Variants in CSMD1 observed in about 807,000 individuals in gnomAD.
The protein encoded by CSMD1 is CUB and Sushi multiple domains 1.
Under a neutral mutation model 417.5 loss-of-function variants are expected in CSMD1, and 213 were observed. The ratio of observed to expected loss-of-function variants is 0.51; its 90% CI spans 0.46 to 0.57. The LOEUF is 0.57. Ranked by LOEUF, CSMD1 falls within the 20% of genes least tolerant of loss-of-function variation. The probability of loss-of-function intolerance (pLI) is 0.00; values close to 1 mark genes in which losing one functional copy is unlikely to be tolerated. For synonymous variants in CSMD1, 2,862 were observed against 1,736.8 expected, an observed-to-expected ratio of 1.65 and a Z score of -16.11; for missense variants, 6,923 against 4,529.7, an observed-to-expected ratio of 1.53 and a Z score of -15.17.
At chr8:3,629,907 T>C (rs2897570) in intron 7 of CSMD1, among the ~76,000 whole-genome samples, 1,612 of 152,314 alleles carry the variant, frequency 0.011, 32 homozygotes, top group African/African-American at 0.037. Context: ...AAAAGTAGAT[T>C]CAAAATTTTC....
intron 1 of CSMD1, among the ~76,000 whole-genome samples, chr8:4,981,640 A>G (rs1487822586): frequency 6.6e-6 from 1 of 152,116 alleles, no homozygotes; most frequent in Non-Finnish European, 1.5e-5. Flanking sequence ...TGACTGTGAG[A>G]TGATCTTTTT....
intron 6 of CSMD1, among the ~76,000 whole-genome samples, chr8:3,734,267 C>T (rs1421113059): frequency 6.6e-6 from 1 of 152,216 alleles, no homozygotes; most frequent in African/African-American, 2.4e-5. Context: ...CATGTTTCAT[C>T]TCCCAGTGTC....
At chr8:4,758,327 T>A (rs1811804538) in intron 1 of CSMD1, among the ~76,000 whole-genome samples, 1 of 152,162 alleles carries the variant, frequency 6.6e-6, no homozygotes, top group Admixed American at 6.5e-5. Context: ...TGGTTCTGAT[T>A]CTTTGTGTTA....
intron 2 of CSMD1, among the ~76,000 whole-genome samples, chr8:4,534,427 C>T (rs1182237334): frequency 1.3e-5 from 2 of 152,152 alleles, no homozygotes; most frequent in African/African-American, 4.8e-5. Context: ...ACTCTCTTGC[C>T]AGAGTATTTA....
chr8:4,643,079 G>A (rs922788533), intron 1 of CSMD1, among the ~76,000 whole-genome samples: 1 of 152,180 alleles, frequency 6.6e-6, no homozygotes, highest in Non-Finnish European at 1.5e-5. Flanking sequence ...ATAGATTTGT[G>A]TGTAAATAGA....
At chr8:3,135,684 A>G (rs1213531212) in intron 41 of CSMD1, among the ~76,000 whole-genome samples, 1 of 151,438 alleles carries the variant, frequency 6.6e-6, no homozygotes, top group Non-Finnish European at 1.5e-5. Flanking sequence ...CCTTTAAAAC[A>G]TGCTCTTGAG....
intron 12 of CSMD1, among the ~76,000 whole-genome samples, chr8:3,429,417 T>C (rs1814066567): frequency 6.6e-6 from 1 of 152,010 alleles, no homozygotes; most frequent in African/African-American, 2.4e-5. Flanking sequence ...CACACAGAGG[T>C]AGTGACCCAA....
At chr8:2,950,980 C>A in intron 66 of CSMD1, 134 bp downstream of exon 66, 2 of 767,712 alleles carry the variant, frequency 2.6e-6, no homozygotes, top group Non-Finnish European at 1.9e-6. Flanking sequence ...GGAGAGGCTC[C>A]AATGAGTTAC....
At chr8:4,616,457 C>T (rs1818811948) in intron 2 of CSMD1, among the ~76,000 whole-genome samples, 1 of 152,186 alleles carries the variant, frequency 6.6e-6, no homozygotes, top group Non-Finnish European at 1.5e-5. Flanking sequence ...GTAAAACTAA[C>T]TATTTAAAGC....
chr8:3,359,397 T>A, intron 20 of CSMD1, 57 bp from the exon 21 acceptor site: 1 of 1,233,214 alleles, frequency 8.1e-7, no homozygotes, highest in Non-Finnish European at 1.1e-6. Context: ...ACACAAAGAT[T>A]AAATAGCAAG....
intron 7 of CSMD1, among the ~76,000 whole-genome samples, chr8:3,672,544 A>G (rs1799129807): frequency 6.6e-6 from 1 of 152,212 alleles, no homozygotes; most frequent in Admixed American, 6.5e-5. Flanking sequence ...TTATATTAAA[A>G]CAGAGGTAAT....
At chr8:3,327,544 T>C (rs1190106779) in intron 23 of CSMD1, among the ~76,000 whole-genome samples, 1 of 152,208 alleles carries the variant, frequency 6.6e-6, no homozygotes, top group African/African-American at 2.4e-5. Flanking sequence ...CTGTTAGAAA[T>C]CAACTTTTCT....
At chr8:3,594,768 G>C (rs1253578300) in intron 8 of CSMD1, among the ~76,000 whole-genome samples, 1 of 152,172 alleles carries the variant, frequency 6.6e-6, no homozygotes, top group Admixed American at 6.5e-5. Flanking sequence ...GGGAGGCTTG[G>C]GAGAAGAGGC....
At chr8:3,679,275 G>T (rs529747156) in intron 7 of CSMD1, among the ~76,000 whole-genome samples, 3 of 152,138 alleles carry the variant, frequency 2.0e-5, no homozygotes, top group Non-Finnish European at 2.9e-5. Flanking sequence ...TCAGTGTGTT[G>T]TATTCAGGAA....
chr8:4,437,815 G>A (rs963672331), intron 2 of CSMD1, among the ~76,000 whole-genome samples: 1 of 152,156 alleles, frequency 6.6e-6, no homozygotes, highest in African/African-American at 2.4e-5. Context: ...GTGTTTGGTT[G>A]ATGGGCTTGT....
intron 1 of CSMD1, among the ~76,000 whole-genome samples, chr8:4,921,653 C>A (rs1046769698): frequency 1.3e-5 from 2 of 152,176 alleles, no homozygotes; most frequent in Admixed American, 6.5e-5. Flanking sequence ...TGTGAATTAC[C>A]CACAGAAGTG....
chr8:3,043,609 G>A (rs1311966271), intron 50 of CSMD1: 1 of 152,090 alleles, frequency 6.6e-6, no homozygotes, highest in Non-Finnish European at 1.5e-5. Context: ...CTGACTAGTA[G>A]TAGTTTTAGC....
chr8:4,190,349 C>T (rs1338722048), intron 3 of CSMD1, among the ~76,000 whole-genome samples: 8 of 150,968 alleles, frequency 5.3e-5, no homozygotes, highest in Non-Finnish European at 2.9e-5. Context: ...CAGTTAACTT[C>T]TAACAGCCTC....
At chr8:4,791,854 C>CA (rs913040158) in intron 1 of CSMD1, among the ~76,000 whole-genome samples, 7 of 151,328 alleles carry the variant, frequency 4.6e-5, no homozygotes, top group East Asian at 1.9e-4. Flanking sequence ...TACTTTTTTT[C>CA]AAAAAAAAAT....
Sources: gnomAD v4.1 joint callset for allele counts (sites outside exome capture counted in the v4.1 genomes callset) on GRCh38, gnomAD v4.1.1 for gene constraint, MANE v1.5 for transcripts, NCBI Gene and HGNC (gene_info 2026-07-23, HGNC 2026-07-21) for gene names.